MSRA: variants seen among roughly 807,000 people sequenced by gnomAD.
MSRA encodes methionine sulfoxide reductase A, also known as mitochondrial peptide methionine sulfoxide reductase.
Under a neutral mutation model 31.3 loss-of-function variants are expected in MSRA, and 54 were observed. The ratio of observed to expected loss-of-function variants is 1.73; its 90% CI spans 1.39 to 2.17. The LOEUF (loss-of-function observed/expected upper bound fraction) is 2.17, where lower values mean the gene tolerates loss of function less well. Ranked by LOEUF, MSRA falls within the 30% of genes most tolerant of loss-of-function variation. The pLI, the probability that MSRA is intolerant of heterozygous loss-of-function variation, is 0.00. For missense variants in MSRA, 507 were observed against 300.9 expected, an observed-to-expected ratio of 1.69 and a Z score of -5.07; for synonymous variants, 169 against 116.5, an observed-to-expected ratio of 1.45 and a Z score of -2.90.
At chr8:10,213,247 G>C (rs968136604) in intron 2 of MSRA, among the ~76,000 whole-genome samples, 7 of 151,994 alleles carry the variant, frequency 4.6e-5, no homozygotes, top group Admixed American at 4.6e-4. Context: ...ATCTCCATGA[G>C]TTTAATTGTT....
intron 3 of MSRA, among the ~76,000 whole-genome samples, chr8:10,249,860 G>A (rs6990888): frequency 0.56 from 84,954 of 152,068 alleles, 24,473 homozygotes; most frequent in Non-Finnish European, 0.63. Context: ...CTGGCACTAG[G>A]GAACCCAGAA....
intron 5 of MSRA, among the ~76,000 whole-genome samples, chr8:10,425,532 C>G (rs1276415497): frequency 2.0e-5 from 3 of 152,202 alleles, no homozygotes; most frequent in Non-Finnish European, 4.4e-5. Context: ...TTCTGGAGAC[C>G]GCAGCTGTGC....
At chr8:10,386,664 T>C (rs571487058) in intron 5 of MSRA, among the ~76,000 whole-genome samples, 4 of 152,198 alleles carry the variant, frequency 2.6e-5, no homozygotes, top group African/African-American at 7.2e-5. Flanking sequence ...AAAATAGGCA[T>C]GTCTAACAAG....
chr8:10,319,819 C>A (rs1349731924), intron 4 of MSRA, 64 bp from the exon 5 acceptor site: 3 of 935,412 alleles, frequency 3.2e-6, no homozygotes, highest in Non-Finnish European at 4.6e-6. Context: ...AGCATTGTGC[C>A]CAGTTTGAGA....
intron 5 of MSRA, among the ~76,000 whole-genome samples, chr8:10,381,515 C>T (rs1254653087): frequency 6.6e-6 from 1 of 152,156 alleles, no homozygotes; most frequent in African/African-American, 2.4e-5. Context: ...CGGGCCCCTC[C>T]CCAGTGAGTT....
At chr8:10,239,822 G>T (rs552259904) in intron 2 of MSRA, among the ~76,000 whole-genome samples, 1 of 152,200 alleles carries the variant, frequency 6.6e-6, no homozygotes, top group Non-Finnish European at 1.5e-5. Context: ...TTCCAAACAC[G>T]TGTATTATTC....
At chr8:10,138,090 G>C (rs373314357) in intron 1 of MSRA, among the ~76,000 whole-genome samples, 38 of 152,244 alleles carry the variant, frequency 2.5e-4, no homozygotes, top group African/African-American at 8.2e-4. Context: ...AAGAGCCTTG[G>C]CTTCTTGGAG....
At chr8:10,093,360 G>A (rs939917693) in intron 1 of MSRA, among the ~76,000 whole-genome samples, 5 of 151,956 alleles carry the variant, frequency 3.3e-5, no homozygotes, top group African/African-American at 9.7e-5. Context: ...TTTGCTTAGT[G>A]GTTGCCCTGG....
chr8:10,336,959 G>A (rs1419273655), intron 5 of MSRA: 2 of 152,202 alleles, frequency 1.3e-5, no homozygotes, highest in Non-Finnish European at 2.9e-5. Flanking sequence ...GCAGGGCTGA[G>A]TCCTACCTGG....
In MSRA at chr8:10,255,776, G is replaced by A. The variant is rs758165650; in HGVS notation, c.331+10553G>A. ...GCTGGAGTGGGGCGGTGGGCAGTGT[G>A]GGGGCATTGGGAGGCTGCTGGTTTT... On this transcript the variant is annotated intron_variant, in intron 3 of 5. Coordinates refer to ENST00000317173, the MANE Select transcript of MSRA (RefSeq NM_012331.5). 7.7e-4 allele frequency among the ~76,000 whole-genome samples: 115 copies of A among 149,848 alleles called. 2 individuals carry two copies. The highest frequency in any genetic ancestry group is 6.8e-3 in the Middle Eastern group (2 of 294).
intron 3 of MSRA, among the ~76,000 whole-genome samples, chr8:10,295,720 G>A (rs543427722): frequency 6.6e-6 from 1 of 152,242 alleles, no homozygotes; most frequent in East Asian, 1.9e-4. Flanking sequence ...GCACCCCCTG[G>A]AGAGGTGGAC....
Position 10,200,520 on chromosome 8 carries a change from T to C in MSRA, c.143-7313T>C, listed in dbSNP as rs533737700. Among the ~76,000 whole-genome samples the C allele has an allele frequency of 2.0e-5, 3 of 152,242 alleles. No individual in the cohort carries two copies. In the East Asian group the frequency reaches 5.8e-4, roughly 30 times the overall value. On this transcript the variant is annotated intron_variant, in intron 1 of 5. Transcript: ENST00000317173. ...GGACTCCCTGCCTTGCTGCTCCTCA[T>C]CACGGGTCCCAGCTGCTGGTTGTCG...
In MSRA at chr8:10,329,143, C is replaced by T. The variant is rs183776168; in HGVS notation, c.543+9154C>T. 3.3e-3 allele frequency among the ~76,000 whole-genome samples: 498 copies of T among 152,310 alleles called. 3 individuals are homozygous for T. Among genetic ancestry groups the T allele is most frequent in the Middle Eastern group, 0.024 (7 of 294 alleles). ...TTTGCCAAATCTCTGACTTTTTTGT[C>T]CCTGTGTTAATATCCTATAGCTACT... On this transcript the variant is annotated intron_variant, in intron 5 of 5. Transcript: ENST00000317173.
At chr8:10,163,988 C>A (rs1040524398) in intron 1 of MSRA, among the ~76,000 whole-genome samples, 2 of 152,234 alleles carry the variant, frequency 1.3e-5, no homozygotes, top group Non-Finnish European at 2.9e-5. Context: ...GTTGGGCCCA[C>A]CCCTGGAAAT....
At chr8:10,283,567 G>T (rs1016681303) in intron 3 of MSRA, among the ~76,000 whole-genome samples, 1 of 151,644 alleles carries the variant, frequency 6.6e-6, no homozygotes, top group Non-Finnish European at 1.5e-5. Flanking sequence ...AACCGAATTT[G>T]TAGTATTTTA....
chr8:10,113,605 A>C (rs1800459803), intron 1 of MSRA, among the ~76,000 whole-genome samples: 1 of 151,616 alleles, frequency 6.6e-6, no homozygotes, highest in South Asian at 2.1e-4. Context: ...TAAAATGGGT[A>C]CTGGCCATTA....
At chr8:10,396,106 C>T (rs1462711640) in intron 5 of MSRA, among the ~76,000 whole-genome samples, 1 of 152,168 alleles carries the variant, frequency 6.6e-6, no homozygotes. Context: ...GGCCTGATCC[C>T]CCTCCTTCTT....
chr8:10,215,757 T>A (rs1809934267), intron 2 of MSRA, among the ~76,000 whole-genome samples: 1 of 152,228 alleles, frequency 6.6e-6, no homozygotes, highest in African/African-American at 2.4e-5. Flanking sequence ...TATTTCTCTT[T>A]TGGCCTCAAC....
chr8:10,235,108 T>G (rs1173277690), intron 2 of MSRA, among the ~76,000 whole-genome samples: 1 of 151,994 alleles, frequency 6.6e-6, no homozygotes, highest in Non-Finnish European at 1.5e-5. Flanking sequence ...AAGAAACACA[T>G]AGAGAGAAAT....
Sources: allele counts gnomAD v4.1 joint callset (sites outside exome capture counted in the v4.1 genomes callset), GRCh38; gene constraint gnomAD v4.1.1; transcripts MANE v1.5; gene names NCBI Gene and HGNC (gene_info 2026-07-23, HGNC 2026-07-21).